Variants in FIP1L1 observed in about 807,000 individuals in gnomAD.
FIP1L1 encodes factor interacting with PAPOLA and CPSF1, also known as pre-mRNA 3'-end-processing factor FIP1.
FIP1L1 carries 21 observed loss-of-function variants against 84.6 expected under a neutral mutation model. The ratio of observed to expected loss-of-function variants is 0.25; its 90% CI spans 0.18 to 0.36. FIP1L1 has a LOEUF of 0.36. Ranked by LOEUF, FIP1L1 falls within the 10% of genes least tolerant of loss-of-function variation. The pLI is 1.00. For synonymous variants in FIP1L1, 263 were observed against 242.3 expected (o/e 1.09, Z -0.80); for missense variants, 526 against 751.1 (o/e 0.70, Z 3.50).
intron 5 of FIP1L1, among the ~76,000 whole-genome samples, chr4:53,387,868 C>T (rs1238318521): frequency 7.2e-5 from 11 of 152,302 alleles, no homozygotes; most frequent in Admixed American, 5.2e-4. Flanking sequence ...ATGTAAACAT[C>T]GTGAAGGCAG....
intron 11 of FIP1L1, among the ~76,000 whole-genome samples, chr4:53,416,753 C>G (rs1759677151): frequency 6.6e-6 from 1 of 152,094 alleles, no homozygotes; most frequent in South Asian, 2.1e-4. Context: ...TACTTGAGGT[C>G]AGGAGTTCAA....
In FIP1L1 at chr4:53,437,375, T is replaced by C. The variant is rs9968254; in HGVS notation, c.1175-5278T>C. On this transcript the variant is annotated intron_variant, in intron 13 of 17. Coordinates refer to ENST00000337488, the MANE Select transcript of FIP1L1 (RefSeq NM_030917.4). ...AAAAGAGAGAGAAATCATCTTCTCT[T>C]TTGAGAATGCCAGATGGTGTAGGCT... 6.6e-3 allele frequency among the ~76,000 whole-genome samples: 997 copies of C among 150,062 alleles called. 16 individuals are homozygous for C. Among genetic ancestry groups the C allele is most frequent in the African/African-American group, 0.023 (955 of 41,098 alleles).
chr4:53,379,262 C>T lies in FIP1L1; in HGVS notation c.168C>T (p.Ala56=), dbSNP rs1478017241. Residue 56 remains alanine, a splice_region_variant and synonymous_variant, in exon 3 of 18, where the codon GCC becomes GCT. Transcript: ENST00000337488. ...NEVERPEEEN[A]SANPPSGIED... ...TTGAAAGGCCAGAAGAAGAAAATGC[C>T]AGGTTAGTGAAATTTTCTGTTGATG... 2.5e-6 allele frequency: 4 copies of T among 1,590,270 alleles called. No individual in the cohort carries two copies. The highest frequency in any genetic ancestry group is 3.4e-6 in the Non-Finnish European group (4 of 1,173,004).
chr4:53,451,375 T>G (rs1157754609), intron 15 of FIP1L1, among the ~76,000 whole-genome samples: 1 of 151,798 alleles, frequency 6.6e-6, no homozygotes, highest in East Asian at 1.9e-4. Context: ...AGGTTATAGT[T>G]AGGTTTTTAA....
In FIP1L1 at chr4:53,459,416, A is replaced by G. The variant is rs1419420512; in HGVS notation, c.1752A>G (p.Glu584=). ...AAGCGGGCAGTGAGCCTGCCCCTGAACAGGAGAGCACCGAAGCTACACCTG... is the reference window on the plus strand; with the variant it reads ...AAGCGGGCAGTGAGCCTGCCCCTGAGCAGGAGAGCACCGAAGCTACACCTG... ...GKEAGSEPAP[E]QESTEATPAE is the part of the protein sequence containing the mutation. The change falls in exon 18 of 18, where the codon GAA becomes GAG. Residue 584 remains glutamate (E), a synonymous_variant. Coordinates refer to ENST00000337488, the MANE Select transcript of FIP1L1 (RefSeq NM_030917.4). The G allele has an allele frequency of 1.2e-6, 2 of 1,613,460 alleles. No homozygotes were observed. The highest frequency in any genetic ancestry group is 8.5e-7 in the Non-Finnish European group (1 of 1,179,692).
chr4:53,420,522 A>T (rs979865927), intron 11 of FIP1L1, among the ~76,000 whole-genome samples: 2 of 151,668 alleles, frequency 1.3e-5, no homozygotes, highest in African/African-American at 4.8e-5. Context: ...TAAATGTAGT[A>T]CTGATAGAAA....
At chr4:53,453,315 ATTTG>A (rs529655481) in intron 16 of FIP1L1, among the ~76,000 whole-genome samples, 182 bp downstream of exon 16, 49 of 152,226 alleles carry the variant, frequency 3.2e-4, no homozygotes, top group African/African-American at 8.4e-4. Flanking sequence ...TAGTCCTTAA[ATTTG>A]TTTGTTTACT....
chr4:53,414,745 G>A, intron 11 of FIP1L1, 23 bp downstream of exon 11: 1 of 1,417,012 alleles, frequency 7.1e-7, no homozygotes, highest in Non-Finnish European at 1.0e-6. Context: ...TTAAACATTG[G>A]ATACTCCCTG....
intron 16 of FIP1L1, among the ~76,000 whole-genome samples, chr4:53,454,312 C>T (rs1024780139): frequency 2.0e-5 from 3 of 152,264 alleles, no homozygotes; most frequent in Admixed American, 6.5e-5. Context: ...TAACATATCA[C>T]CTAGTGTATA....
intron 10 of FIP1L1, among the ~76,000 whole-genome samples, chr4:53,407,642 C>CT (rs1222669041): frequency 2.0e-5 from 3 of 151,954 alleles, no homozygotes; most frequent in African/African-American, 7.3e-5. Flanking sequence ...GTATGGGAGT[C>CT]TAAGTCTCTT....
intron 3 of FIP1L1, 116 bp downstream of exon 3, chr4:53,379,380 C>A: frequency 1.1e-6 from 1 of 871,050 alleles, no homozygotes; most frequent in Non-Finnish European, 1.8e-6. Flanking sequence ...TGACTTACAA[C>A]ATTTTGGAGG....
chr4:53,419,947 G>T (rs1372372412), intron 11 of FIP1L1, among the ~76,000 whole-genome samples: 2 of 151,950 alleles, frequency 1.3e-5, no homozygotes, highest in African/African-American at 4.8e-5. Context: ...GGTGGCTCAC[G>T]CCTGTAATCC....
At chr4:53,392,158 A>G (rs1212930572) in intron 9 of FIP1L1, among the ~76,000 whole-genome samples, 2 of 152,210 alleles carry the variant, frequency 1.3e-5, no homozygotes, top group Non-Finnish European at 2.9e-5. Flanking sequence ...ATAATACTAT[A>G]TTGTCATAGT....
chr4:53,407,800 G>A (rs1754545653), intron 10 of FIP1L1, among the ~76,000 whole-genome samples: 1 of 152,070 alleles, frequency 6.6e-6, no homozygotes, highest in South Asian at 2.1e-4. Flanking sequence ...TGTTTTATCA[G>A]AGACTAGGAC....
chr4:53,436,377 T>C (rs907165416), intron 13 of FIP1L1, among the ~76,000 whole-genome samples: 1 of 152,214 alleles, frequency 6.6e-6, no homozygotes, highest in Non-Finnish European at 1.5e-5. Context: ...TTTGTTTTTT[T>C]CTAGGCTGTT....
At chr4:53,438,403 G>A (rs1480534819) in intron 13 of FIP1L1, among the ~76,000 whole-genome samples, 1 of 152,120 alleles carries the variant, frequency 6.6e-6, no homozygotes, top group Non-Finnish European at 1.5e-5. Context: ...ATGATATCAC[G>A]TATCAGTTTG....
intron 11 of FIP1L1, among the ~76,000 whole-genome samples, chr4:53,420,397 C>G (rs1287782640): frequency 7.0e-6 from 1 of 143,636 alleles, no homozygotes; most frequent in Non-Finnish European, 1.5e-5. Flanking sequence ...CCATTGCACT[C>G]CAACCTGGGC....
intron 15 of FIP1L1, among the ~76,000 whole-genome samples, chr4:53,447,850 T>C (rs1183371998): frequency 6.6e-6 from 1 of 152,088 alleles, no homozygotes; most frequent in Non-Finnish European, 1.5e-5. Context: ...AATATTCTTG[T>C]GCATGAAACG....
chr4:53,378,233 CT>C (rs1380101622), intron 1 of FIP1L1: 2 of 302,484 alleles, frequency 6.6e-6, no homozygotes, highest in African/African-American at 2.2e-5. Flanking sequence ...CTGCTGCGCT[CT>C]TTACCCTTGT....
Sources: gnomAD v4.1 joint callset for allele counts (sites outside exome capture counted in the v4.1 genomes callset) on GRCh38, gnomAD v4.1.1 for gene constraint, MANE v1.5 for transcripts, NCBI Gene and HGNC (gene_info 2026-07-23, HGNC 2026-07-21) for gene names.